The following SPOCK1 variants were observed in gnomAD, a reference collection of about 807,000 sequenced individuals.
The protein encoded by SPOCK1 is testican-1.
Under a neutral mutation model 55.3 loss-of-function variants are expected in SPOCK1, and 23 were observed. The ratio of observed to expected loss-of-function variants is 0.42; its 90% confidence interval spans 0.30 to 0.59. The LOEUF (loss-of-function observed/expected upper bound fraction) is 0.59, where lower values mean the gene tolerates loss of function less well. Ranked by LOEUF, SPOCK1 falls within the 20% of genes least tolerant of loss-of-function variation. SPOCK1 has a pLI of 0.22. For synonymous variants in SPOCK1, 226 were observed against 221.0 expected (o/e 1.02, Z -0.20); for missense variants, 499 against 552.5 (o/e 0.90, Z 0.97).
At chr5:137,212,461 A>T (rs994134180) in intron 3 of SPOCK1, among the ~76,000 whole-genome samples, 5 of 152,224 alleles carry the variant, frequency 3.3e-5, no homozygotes, top group Admixed American at 3.3e-4. Context: ...TTAAACCATA[A>T]TTCTTTCCAG....
rs187513854 is a variant in SPOCK1, at chr5:137,443,404, C to T, written c.186+54969G>A. On this transcript the variant is annotated intron_variant, in intron 2 of 10. Coordinates refer to ENST00000394945, the MANE Select transcript of SPOCK1 (RefSeq NM_004598.4). ...TTCCTTAAACACTTGTATCCCTAAA[C>T]AAAGGCTTAGTCTTTCATTTTCTCT... is the stretch of plus-strand genomic sequence containing the variant. 3.1e-3 allele frequency among the ~76,000 whole-genome samples: 474 copies of T among 152,270 alleles called. 2 individuals are homozygous for T. The highest frequency in any genetic ancestry group is 7.2e-3 in the Admixed American group (110 of 15,294).
At chr5:137,257,006 C>T (rs1425999690) in intron 3 of SPOCK1, among the ~76,000 whole-genome samples, 1 of 152,166 alleles carries the variant, frequency 6.6e-6, no homozygotes, top group Non-Finnish European at 1.5e-5. Context: ...GACCCAAGCC[C>T]TCATAACCAT....
At chr5:137,282,263 G>T (rs1184009017) in intron 2 of SPOCK1, among the ~76,000 whole-genome samples, 1 of 152,170 alleles carries the variant, frequency 6.6e-6, no homozygotes, top group East Asian at 1.9e-4. Flanking sequence ...TTCTGACTCT[G>T]AGGAGATTTT....
chr5:137,078,569 G>A (rs1752818807), intron 5 of SPOCK1, among the ~76,000 whole-genome samples: 1 of 152,120 alleles, frequency 6.6e-6, no homozygotes, highest in Admixed American at 6.5e-5. Flanking sequence ...CTGACACCCA[G>A]GGCGCCACTG....
chr5:137,114,966 A>G (rs544689852), intron 4 of SPOCK1, among the ~76,000 whole-genome samples: 1 of 152,382 alleles, frequency 6.6e-6, no homozygotes, highest in African/African-American at 2.4e-5. Flanking sequence ...GCCAAAGTCA[A>G]GGGAGGGAGA....
chr5:137,041,562 C>T (rs971835220), intron 6 of SPOCK1, among the ~76,000 whole-genome samples: 1 of 152,138 alleles, frequency 6.6e-6, no homozygotes, highest in African/African-American at 2.4e-5. Flanking sequence ...TTGCAAAACA[C>T]ATAGCTGATA....
intron 2 of SPOCK1, among the ~76,000 whole-genome samples, chr5:137,270,715 T>C (rs905725447): frequency 2.6e-5 from 4 of 152,146 alleles, no homozygotes; most frequent in Non-Finnish European, 5.9e-5. Context: ...CATGAAAAGT[T>C]GACATGGCCA....
intron 6 of SPOCK1, among the ~76,000 whole-genome samples, chr5:137,024,315 G>GGT (rs757163501): frequency 1.2e-4 from 1 of 8,318 alleles, no homozygotes; most frequent in African/African-American, 2.2e-4. Context: ...CCAGTTTGAA[G>GGT]GGGGGGGGGT....
intron 3 of SPOCK1, among the ~76,000 whole-genome samples, chr5:137,207,207 C>T (rs1468040136): frequency 6.6e-6 from 1 of 152,204 alleles, no homozygotes; most frequent in African/African-American, 2.4e-5. Context: ...ACGCCTGTCA[C>T]CAGCCGGCAC....
intron 3 of SPOCK1, among the ~76,000 whole-genome samples, chr5:137,207,684 A>G (rs1183907013): frequency 6.6e-6 from 1 of 152,068 alleles, no homozygotes; most frequent in Non-Finnish European, 1.5e-5. Context: ...ACCAATATTT[A>G]CCGAGCACAT....
chr5:137,281,839 G>A (rs896384616), intron 2 of SPOCK1, among the ~76,000 whole-genome samples: 4 of 152,162 alleles, frequency 2.6e-5, no homozygotes, highest in Admixed American at 1.3e-4. Flanking sequence ...TCGGATGTCC[G>A]TTTCTCACAC....
At chr5:137,259,997 T>G (rs1303297875) in intron 3 of SPOCK1, among the ~76,000 whole-genome samples, 2 of 152,222 alleles carry the variant, frequency 1.3e-5, no homozygotes, top group Middle Eastern at 3.2e-3. Context: ...ATGCTTCAAA[T>G]TTTTCATTTT....
rs146966679 is a variant in SPOCK1, at chr5:137,073,119, C to G, written c.475-5290G>C. ...TCTCATTTAGAACCTTATTGAACAT[C>G]CATAAATACATGTGTTCCTTTCTGC... On this transcript the variant is annotated intron_variant, in intron 5 of 10. Transcript: ENST00000394945. Among the ~76,000 whole-genome samples the G allele has an allele frequency of 1.1e-3, 164 of 152,328 alleles. 1 individual carries two copies. Among genetic ancestry groups the G allele is most frequent in the African/African-American group, 3.4e-3 (140 of 41,570 alleles).
At chr5:137,081,024 C>T (rs1398758610) in intron 5 of SPOCK1, among the ~76,000 whole-genome samples, 2 of 152,224 alleles carry the variant, frequency 1.3e-5, no homozygotes, top group Non-Finnish European at 2.9e-5. Flanking sequence ...ATTCAGAGTT[C>T]AGACAATCAA....
chr5:137,084,954 C>CAAAAAA (rs10568473), intron 5 of SPOCK1, among the ~76,000 whole-genome samples: 89 of 114,188 alleles, frequency 7.8e-4, no homozygotes, highest in Middle Eastern at 5.6e-3. Context: ...TTATACAAAG[C>CAAAAAA]AAAAAAAAAA....
intron 3 of SPOCK1, among the ~76,000 whole-genome samples, chr5:137,244,316 G>C (rs1417673506): frequency 6.6e-6 from 1 of 152,176 alleles, no homozygotes; most frequent in Non-Finnish European, 1.5e-5. Flanking sequence ...CTGGGACTTG[G>C]AGAGACTGCT....
chr5:137,379,900 C>T (rs890451238), intron 2 of SPOCK1, among the ~76,000 whole-genome samples: 1 of 152,152 alleles, frequency 6.6e-6, no homozygotes. Context: ...ATTCATGAGC[C>T]CCCGTGGTGA....
intron 3 of SPOCK1, among the ~76,000 whole-genome samples, chr5:137,166,554 CTACTT>C (rs1387659392): frequency 2.6e-5 from 4 of 151,868 alleles, no homozygotes; most frequent in African/African-American, 4.8e-5. Flanking sequence ...GGTATGTAAA[CTACTT>C]ATCTTAAATA....
chr5:137,453,674 A>C (rs1459128056), intron 2 of SPOCK1, among the ~76,000 whole-genome samples: 1 of 152,210 alleles, frequency 6.6e-6, no homozygotes, highest in Non-Finnish European at 1.5e-5. Flanking sequence ...GCCTATCAGC[A>C]CCACGGACAG....
Sources: gnomAD v4.1 joint callset for allele counts (sites outside exome capture counted in the v4.1 genomes callset) on GRCh38, gnomAD v4.1.1 for gene constraint, MANE v1.5 for transcripts, NCBI Gene and HGNC (gene_info 2026-07-23, HGNC 2026-07-21) for gene names.